The following ACOXL variants were observed in gnomAD, a reference collection of about 807,000 sequenced individuals.
ACOXL encodes the protein acyl-CoA oxidase like, also known as acyl-coenzyme A oxidase-like protein.
Under a neutral mutation model 71.9 loss-of-function variants are expected in ACOXL, and 70 were observed. That is an observed-to-expected ratio of 0.97 (90% CI 0.80 to 1.19). The LOEUF (loss-of-function observed/expected upper bound fraction) is 1.19, where lower values mean the gene tolerates loss of function less well. Ranked by LOEUF, ACOXL falls within the 50% of genes most tolerant of loss-of-function variation. ACOXL has a pLI of 0.00. For missense variants in ACOXL, 703 were observed against 736.3 expected, an observed-to-expected ratio of 0.95 and a Z score of 0.52; for synonymous variants, 253 against 281.6, an observed-to-expected ratio of 0.90 and a Z score of 1.02.
At chr2:110,922,129 G>A (rs1220267863) in intron 11 of ACOXL, among the ~76,000 whole-genome samples, 2 of 152,152 alleles carry the variant, frequency 1.3e-5, no homozygotes, top group East Asian at 3.9e-4. Flanking sequence ...CAAGAAGGGG[G>A]TTGGCATTTC....
chr2:110,758,497 C>T (rs1023823372), intron 1 of ACOXL, among the ~76,000 whole-genome samples: 1 of 152,102 alleles, frequency 6.6e-6, no homozygotes, highest in African/African-American at 2.4e-5. Context: ...TGGCCATTCT[C>T]TGATGGCTGT....
chr2:110,743,537 C>T (rs952085452), intron 1 of ACOXL, among the ~76,000 whole-genome samples: 1 of 152,070 alleles, frequency 6.6e-6, no homozygotes, highest in Non-Finnish European at 1.5e-5. Context: ...TGGAAAAAAA[C>T]AAACCCAAGT....
chr2:110,973,830 G>T (rs183449439), intron 12 of ACOXL, among the ~76,000 whole-genome samples: 9 of 152,316 alleles, frequency 5.9e-5, no homozygotes, highest in Admixed American at 5.2e-4. Context: ...AATAGCATCT[G>T]CCACAGCTCC....
intron 16 of ACOXL, among the ~76,000 whole-genome samples, chr2:111,089,028 C>T (rs531470234): frequency 6.6e-6 from 1 of 152,214 alleles, no homozygotes; most frequent in South Asian, 2.1e-4. Context: ...GACCCAGGCA[C>T]GGTGGCTCAC....
chr2:110,767,118 A>G (rs975479450), intron 1 of ACOXL, among the ~76,000 whole-genome samples: 12 of 152,098 alleles, frequency 7.9e-5, no homozygotes, highest in African/African-American at 2.2e-4. Context: ...AAGGTTTTCT[A>G]TTGTTAGGCC....
At chr2:110,947,015 A>G (rs113722352) in intron 12 of ACOXL, among the ~76,000 whole-genome samples, 19 of 152,336 alleles carry the variant, frequency 1.2e-4, no homozygotes, top group African/African-American at 4.3e-4. Context: ...TCATGCTTAC[A>G]CATGTTCTGC....
chr2:110,999,597 G>C (rs976133772), intron 14 of ACOXL, among the ~76,000 whole-genome samples: 1 of 152,152 alleles, frequency 6.6e-6, no homozygotes, highest in Admixed American at 6.5e-5. Flanking sequence ...GAGTTGGTCT[G>C]TGTGACATAC....
At chr2:111,010,267 T>A (rs888893842) in intron 14 of ACOXL, among the ~76,000 whole-genome samples, 1 of 151,800 alleles carries the variant, frequency 6.6e-6, no homozygotes, top group Non-Finnish European at 1.5e-5. Context: ...TTGAACGATA[T>A]GAAAAAGGAA....
chr2:110,746,786 C>T (rs948437340), intron 1 of ACOXL, among the ~76,000 whole-genome samples: 2 of 152,100 alleles, frequency 1.3e-5, no homozygotes, highest in Admixed American at 1.3e-4. Flanking sequence ...CGGATGCCTG[C>T]TTGTCGGCCT....
intron 10 of ACOXL, among the ~76,000 whole-genome samples, chr2:110,904,104 G>C (rs1005405106): frequency 6.6e-6 from 1 of 152,220 alleles, no homozygotes. Flanking sequence ...TAAACTCCCT[G>C]CTCAGTGCTT....
At chr2:110,791,700 T>C (rs1346824312) in intron 3 of ACOXL, among the ~76,000 whole-genome samples, 1 of 152,230 alleles carries the variant, frequency 6.6e-6, no homozygotes, top group Non-Finnish European at 1.5e-5. Flanking sequence ...TCATCTGTCC[T>C]GATGCCAGAG....
chr2:110,891,885 A>G (rs541933658), intron 10 of ACOXL, among the ~76,000 whole-genome samples: 27 of 152,138 alleles, frequency 1.8e-4, no homozygotes, highest in African/African-American at 5.5e-4. Context: ...TCTGTGGTCC[A>G]GCTTCCACTT....
intron 15 of ACOXL, among the ~76,000 whole-genome samples, chr2:111,045,013 A>T (rs1358176132): frequency 6.6e-6 from 1 of 152,202 alleles, no homozygotes; most frequent in Non-Finnish European, 1.5e-5. Flanking sequence ...AAGTCCAACC[A>T]AGGAGAACTT....
chr2:111,030,481 C>G (rs931231875), intron 14 of ACOXL, among the ~76,000 whole-genome samples: 1 of 152,174 alleles, frequency 6.6e-6, no homozygotes, highest in Non-Finnish European at 1.5e-5. Context: ...ACTGTGCCTG[C>G]GGCCCCAGGT....
chr2:110,861,102 C>G (rs1056296161), intron 10 of ACOXL, among the ~76,000 whole-genome samples: 2 of 152,192 alleles, frequency 1.3e-5, no homozygotes, highest in African/African-American at 2.4e-5. Context: ...CCACTGCACT[C>G]CTGCCTGGGC....
chr2:110,818,423 ATGTGTGTGTGTG>A (rs766770172), intron 9 of ACOXL, among the ~76,000 whole-genome samples: 12 of 137,688 alleles, frequency 8.7e-5, no homozygotes, highest in East Asian at 2.1e-4. Context: ...ATATATATAT[ATGTGTGTGTGTG>A]TGTGTGTGTG....
chr2:111,009,931 A>T (rs2064066882), intron 14 of ACOXL, among the ~76,000 whole-genome samples: 1 of 152,238 alleles, frequency 6.6e-6, no homozygotes, highest in Non-Finnish European at 1.5e-5. Flanking sequence ...GACAAAGCAT[A>T]AAATCAAGAC....
At chr2:110,928,121 T>G (rs1050064202) in intron 11 of ACOXL, among the ~76,000 whole-genome samples, 1 of 152,256 alleles carries the variant, frequency 6.6e-6, no homozygotes, top group Admixed American at 6.5e-5. Flanking sequence ...CTGTCCCTGC[T>G]GCTATCTTTC....
At chr2:110,959,308 C>T (rs766621299) in intron 12 of ACOXL, among the ~76,000 whole-genome samples, 4 of 152,176 alleles carry the variant, frequency 2.6e-5, no homozygotes, top group Non-Finnish European at 4.4e-5. Context: ...CCTGGGGCCT[C>T]GGGTGATATT....
Sources: gnomAD v4.1 joint callset for allele counts (sites outside exome capture counted in the v4.1 genomes callset) on GRCh38, gnomAD v4.1.1 for gene constraint, MANE v1.5 for transcripts, NCBI Gene and HGNC (gene_info 2026-07-23, HGNC 2026-07-21) for gene names.